CPLANE1: variants seen among roughly 807,000 people sequenced by gnomAD.
CPLANE1 encodes the protein ciliogenesis and planar polarity effector complex subunit 1.
CPLANE1 carries 263 observed loss-of-function variants against 362.5 expected under a neutral mutation model. The observed-to-expected ratio is 0.73, with a 90% CI of 0.66 to 0.80. The LOEUF is 0.80. Ranked by LOEUF, CPLANE1 falls within the 30% of genes least tolerant of loss-of-function variation. CPLANE1 has a pLI of 0.00. For synonymous variants in CPLANE1, 1,212 were observed against 1,302.6 expected, an observed-to-expected ratio of 0.93 and a Z score of 1.50; for missense variants, 3,461 against 3,793.4, an observed-to-expected ratio of 0.91 and a Z score of 2.30.
intron 43 of CPLANE1, among the ~76,000 whole-genome samples, chr5:37,143,319 C>G (rs994996906): frequency 1.2e-4 from 18 of 151,972 alleles, no homozygotes; most frequent in Non-Finnish European, 1.3e-4. Context: ...TATGCAGATT[C>G]AACAATTGAT....
chr5:37,156,392 C>G (rs1414925727), intron 41 of CPLANE1, among the ~76,000 whole-genome samples: 2 of 152,094 alleles, frequency 1.3e-5, no homozygotes, highest in Non-Finnish European at 2.9e-5. Flanking sequence ...TCACTTCAGA[C>G]CAGGAGTTTA....
chr5:37,201,873 G>T, intron 18 of CPLANE1, 65 bp from the exon 19 acceptor site: 1 of 1,164,590 alleles, frequency 8.6e-7, no homozygotes, highest in South Asian at 1.5e-5. Flanking sequence ...CCATTTTGTA[G>T]GAAAAAATTT....
Position 37,182,861 on chromosome 5 carries a change from C to T in CPLANE1, c.5320G>A (p.Val1774Ile). Residue 1774 changes from valine (V) to isoleucine (I), a missense_variant, in exon 26 of 53, where the codon GTA (valine) becomes ATA (isoleucine). Around this residue, in one of 2 missense-constraint regions of CPLANE1, gnomAD observed 3,380 missense variants for 3,666.1 expected, o/e 0.92. Coordinates refer to ENST00000651892, the MANE Select transcript of CPLANE1 (RefSeq NM_001384732.1). ...GCTGTAGAGGTCTTTACACGAATTACTGGACTGTACTCAGAGGATGACTCA... is the reference window on the plus strand; with the variant it reads ...GCTGTAGAGGTCTTTACACGAATTATTGGACTGTACTCAGAGGATGACTCA... ...ITESSSEYSP[V>I]IRVKTSTAAI... 1 of 1,611,656 alleles carries T rather than the reference C, an allele frequency of 6.2e-7. No homozygotes were observed. Among genetic ancestry groups the T allele is most frequent in the South Asian group, 1.1e-5 (1 of 90,304 alleles).
the CPLANE1 span, among the ~76,000 whole-genome samples, chr5:37,083,353 C>A: frequency 1.3e-5 from 2 of 152,176 alleles, 1 homozygote; most frequent in African/African-American, 4.8e-5. Context: ...AACTCTGGTA[C>A]TATGACATAA....
At position 37,107,376 on chromosome 5, in the gene CPLANE1, C is replaced by A; in HGVS notation, c.*226G>T. ...ATTATGCCTAATGATGCATCAAATA[C>A]AAAAACATATAATACATCAATAGTC... On this transcript the variant is annotated 3_prime_UTR_variant, in exon 53 of 53. Transcript: ENST00000651892. 1.6e-6 allele frequency: 2 copies of A among 1,234,986 alleles called. No individual in the cohort carries two copies. The highest frequency in any genetic ancestry group is 1.6e-5 in the African/African-American group (1 of 64,454). The allele number at this position is 1,234,986 out of a possible 1,614,324, so 76.5% of individuals were successfully genotyped here. A position where few individuals can be genotyped will look rare whatever the true frequency, so the allele number is the denominator to read the frequency against.
At chr5:37,144,330 C>T (rs574903733) in intron 43 of CPLANE1, among the ~76,000 whole-genome samples, 29 of 149,752 alleles carry the variant, frequency 1.9e-4, no homozygotes, top group African/African-American at 7.1e-4. Flanking sequence ...ATTGCTTGAA[C>T]CCTGGAGGAG....
At chr5:37,231,076 T>A (rs1466116134) in intron 8 of CPLANE1, 27 bp from the exon 9 acceptor site, 3 of 1,445,346 alleles carry the variant, frequency 2.1e-6, no homozygotes, top group Non-Finnish European at 2.8e-6. Flanking sequence ...ACAACATGTT[T>A]AGAAGAGATA....
rs139940282 is a variant in CPLANE1, at chr5:37,227,353, G to A, written c.1411C>T (p.Leu471=). Residue 471 remains leucine, a synonymous_variant, in exon 11 of 53, where the codon CTA becomes TTA. Transcript: ENST00000651892. ...TGGTGTTCTAACAGGCTAGACCTTA[G>A]GGAATTCAGTGATCGCAAGTTCAGT... ...KGLNLRSLNS[L]RSSLLEHQGN... is the part of the protein sequence containing the mutation. 1 of 1,549,796 alleles carries A rather than the reference G, an allele frequency of 6.5e-7. No homozygotes were observed. The highest frequency in any genetic ancestry group is 8.7e-7 in the Non-Finnish European group (1 of 1,146,232).
intron 32 of CPLANE1, among the ~76,000 whole-genome samples, chr5:37,172,556 G>C (rs1205589457): frequency 6.6e-6 from 1 of 152,190 alleles, no homozygotes; most frequent in African/African-American, 2.4e-5. Flanking sequence ...TAAGATGGTA[G>C]AATCAGTGGT....
chr5:37,198,436 A>G (rs1002683574), intron 20 of CPLANE1, among the ~76,000 whole-genome samples: 2 of 131,688 alleles, frequency 1.5e-5, no homozygotes, highest in East Asian at 2.0e-4. Context: ...GGGGAGTTGG[A>G]AAAAAAAAAA....
chr5:37,099,491 G>A, the CPLANE1 span, among the ~76,000 whole-genome samples: 72 of 152,298 alleles, frequency 4.7e-4, no homozygotes, highest in African/African-American at 1.7e-3. Context: ...TTTTATGGCT[G>A]CATAGTATTC....
At chr5:37,215,725 TTTCC>T (rs1452674098) in intron 15 of CPLANE1, among the ~76,000 whole-genome samples, 1 of 150,604 alleles carries the variant, frequency 6.6e-6, no homozygotes, top group Non-Finnish European at 1.5e-5. Flanking sequence ...ATTTCCCGTT[TTTCC>T]TTCTCTTTCC....
chr5:37,180,198 G>C lies in CPLANE1; in HGVS notation c.5571-15C>G, dbSNP rs746553480. ...TTGGCATTCTACTGAAAAAAATGCA[G>C]CAACTAAAATTACAACTATTCTTGG... On this transcript the variant is annotated splice_polypyrimidine_tract_variant and intron_variant, in intron 27 of 52. Transcript: ENST00000651892. 4.2e-6 allele frequency: 6 copies of C among 1,425,154 alleles called. No homozygotes were observed. In the Admixed American group the frequency reaches 1.6e-4, roughly 39 times the overall value. 88.3% of individuals were successfully genotyped at this position (1,425,154 alleles called of 1,614,324 possible).
At chr5:37,141,036 C>G in intron 44 of CPLANE1, 1 of 985,418 alleles carries the variant, frequency 1.0e-6, no homozygotes, top group Non-Finnish European at 1.2e-6. Context: ...CACGTTCCCC[C>G]TCTCCTCCTC....
chr5:37,234,236 A>G (rs1798400231), intron 8 of CPLANE1, among the ~76,000 whole-genome samples: 1 of 152,206 alleles, frequency 6.6e-6, no homozygotes, highest in South Asian at 2.1e-4. Context: ...ATAGATGCCA[A>G]TCAAAAATAA....
chr5:37,134,211 T>C (rs1766859513), intron 46 of CPLANE1, among the ~76,000 whole-genome samples: 1 of 152,176 alleles, frequency 6.6e-6, no homozygotes, highest in South Asian at 2.1e-4. Context: ...TTCAGTAGAA[T>C]TCCCACCAGT....
intron 12 of CPLANE1, 22 bp downstream of exon 12, chr5:37,226,282 G>C: frequency 7.0e-7 from 1 of 1,427,876 alleles, no homozygotes. Context: ...TAGTATCCCA[G>C]TATTAAAATA....
intron 35 of CPLANE1, 148 bp downstream of exon 35, chr5:37,166,899 T>C (rs1778387388): frequency 9.9e-6 from 6 of 607,730 alleles, no homozygotes; most frequent in Non-Finnish European, 1.7e-5. Context: ...TCACATAAAA[T>C]GTTTTCAGAT....
chr5:37,086,626 G>C, the CPLANE1 span, among the ~76,000 whole-genome samples: 1 of 152,166 alleles, frequency 6.6e-6, no homozygotes, highest in African/African-American at 2.4e-5. Flanking sequence ...ACGCTCTGTG[G>C]GGAGGGGAAT....
Sources: allele counts gnomAD v4.1 joint callset (sites outside exome capture counted in the v4.1 genomes callset), GRCh38; gene constraint gnomAD v4.1.1; regional missense constraint gnomAD v4.1.1; transcripts MANE v1.5; gene names NCBI Gene and HGNC (gene_info 2026-07-23, HGNC 2026-07-21).